ARHGAP42: variants seen among roughly 807,000 people sequenced by gnomAD.
ARHGAP42 encodes the protein Rho GTPase activating protein 42, also known as rho GTPase-activating protein 42.
A neutral mutation model predicts 125.0 loss-of-function variants in ARHGAP42; 63 were observed. The ratio of observed to expected loss-of-function variants is 0.50; its 90% CI spans 0.41 to 0.62. The LOEUF is 0.62. ARHGAP42 is among the 20% of genes least tolerant of loss of function. The pLI, the probability that ARHGAP42 is intolerant of heterozygous loss-of-function variation, is 0.00. For missense variants in ARHGAP42, 766 were observed against 1,024.2 expected (o/e 0.75, Z 3.44); for synonymous variants, 339 against 351.0 (o/e 0.97, Z 0.38).
intron 1 of ARHGAP42, among the ~76,000 whole-genome samples, chr11:100,730,616 G>A (rs1181895978): frequency 6.6e-6 from 1 of 152,186 alleles, no homozygotes; most frequent in South Asian, 2.1e-4. Flanking sequence ...TACAAGCCAT[G>A]TCTAAGAAAT....
At chr11:100,842,959 A>C (rs1252409093) in intron 3 of ARHGAP42, among the ~76,000 whole-genome samples, 1 of 152,132 alleles carries the variant, frequency 6.6e-6, no homozygotes, top group Non-Finnish European at 1.5e-5. Context: ...GAAGAAAATA[A>C]CCAAGATCAG....
intron 5 of ARHGAP42, among the ~76,000 whole-genome samples, chr11:100,918,517 T>C (rs1867140423): frequency 6.6e-6 from 1 of 152,238 alleles, no homozygotes; most frequent in Admixed American, 6.5e-5. Flanking sequence ...TTTAAAATTA[T>C]CTCATTTCGA....
chr11:100,990,892 A>G lies in ARHGAP42; in HGVS notation c.*2091A>G, dbSNP rs1425547323. On this transcript the variant is annotated 3_prime_UTR_variant, in exon 24 of 24. Coordinates refer to ENST00000298815, the MANE Select transcript of ARHGAP42 (RefSeq NM_152432.4). ...TCCTACTTCTCCTGCTGCTGCATAA[A>G]GAATCTCAACCTTCATTTTATTTGA... 1 of 152,338 alleles carries G rather than the reference A, an allele frequency of 6.6e-6. No individual in the cohort carries two copies. Among genetic ancestry groups the G allele is most frequent in the African/African-American group, 2.4e-5 (1 of 41,472 alleles). 9.4% of individuals were successfully genotyped at this position (152,338 alleles called of 1,614,324 possible). A position where few individuals can be genotyped will look rare whatever the true frequency, so the allele number is the denominator to read the frequency against.
At chr11:100,817,301 C>A (rs1178875667) in intron 3 of ARHGAP42, among the ~76,000 whole-genome samples, 1 of 152,154 alleles carries the variant, frequency 6.6e-6, no homozygotes, top group Non-Finnish European at 1.5e-5. Flanking sequence ...CCAGATATCT[C>A]CATTTGAGAA....
At chr11:100,974,734 C>T in intron 19 of ARHGAP42, 131 bp downstream of exon 19, 1 of 981,168 alleles carries the variant, frequency 1.0e-6, no homozygotes, top group South Asian at 2.8e-5. Flanking sequence ...CCTCTTTTAT[C>T]ATTTGTATAT....
chr11:100,903,687 T>A (rs1866625922), intron 4 of ARHGAP42, among the ~76,000 whole-genome samples: 2 of 126,600 alleles, frequency 1.6e-5, no homozygotes. Context: ...GGACAGAATG[T>A]ATATATATAC....
In ARHGAP42 at chr11:100,907,036, T is replaced by A. The variant is rs147019395; in HGVS notation, c.385-6416T>A. 2.0e-5 allele frequency among the ~76,000 whole-genome samples: 3 copies of A among 152,342 alleles called. No homozygotes were observed. The East Asian group carries it at 5.8e-4, about 29-fold the overall frequency. ...CAGAAGTTGGTTCTTAGGACACACA[T>A]ATATGTCCCTTAGTAGTGCAATGTT... On this transcript the variant is annotated intron_variant, in intron 4 of 23. Coordinates refer to ENST00000298815, the MANE Select transcript of ARHGAP42 (RefSeq NM_152432.4).
chr11:100,887,108 G>A (rs1866109799), intron 4 of ARHGAP42, among the ~76,000 whole-genome samples: 1 of 152,106 alleles, frequency 6.6e-6, no homozygotes, highest in African/African-American at 2.4e-5. Flanking sequence ...TCTTTGAGAA[G>A]AAATAAAATA....
At chr11:100,727,345 C>T (rs1861879407) in intron 1 of ARHGAP42, among the ~76,000 whole-genome samples, 1 of 152,158 alleles carries the variant, frequency 6.6e-6, no homozygotes, top group Non-Finnish European at 1.5e-5. Flanking sequence ...GTGCTGGGTA[C>T]ATCTTCTGTT....
At chr11:100,931,622 A>T (rs1321471902) in intron 6 of ARHGAP42, among the ~76,000 whole-genome samples, 2 of 152,210 alleles carry the variant, frequency 1.3e-5, no homozygotes, top group Non-Finnish European at 2.9e-5. Flanking sequence ...TTAATTGTGG[A>T]TTAATTATAA....
intron 1 of ARHGAP42, among the ~76,000 whole-genome samples, chr11:100,733,239 G>C (rs910422945): frequency 1.3e-5 from 2 of 152,170 alleles, no homozygotes; most frequent in Admixed American, 1.3e-4. Context: ...ATGAAATAGG[G>C]ATAAAAAGAC....
chr11:100,921,623 T>C lies in ARHGAP42; in HGVS notation c.597+19T>C. 1 of 1,439,410 alleles carries C rather than the reference T, an allele frequency of 6.9e-7. No homozygotes were observed. Among genetic ancestry groups the C allele is most frequent in the Middle Eastern group, 1.7e-4 (1 of 5,746 alleles). The allele number at this position is 1,439,410 out of a possible 1,614,324, so 89.2% of individuals were successfully genotyped here. A position where few individuals can be genotyped will look rare whatever the true frequency, so the allele number is the denominator to read the frequency against. On this transcript the variant is annotated intron_variant, in intron 6 of 23. Transcript: ENST00000298815. Reference sequence around the variant, plus strand: ...TGAACCGGTAAGTTTCAGATTTTTGTATAAATGGTGGGCTCAAAACAATCT... The same window carrying C: ...TGAACCGGTAAGTTTCAGATTTTTGCATAAATGGTGGGCTCAAAACAATCT...
intron 1 of ARHGAP42, among the ~76,000 whole-genome samples, chr11:100,700,629 C>T (rs1404516027): frequency 2.0e-5 from 3 of 152,178 alleles, no homozygotes; most frequent in Non-Finnish European, 2.9e-5. Flanking sequence ...TTTCTTTGCT[C>T]ATCTGTAAGA....
chr11:100,929,453 T>C (rs1867516366), intron 6 of ARHGAP42, among the ~76,000 whole-genome samples: 1 of 152,202 alleles, frequency 6.6e-6, no homozygotes, highest in South Asian at 2.1e-4. Context: ...GAGGAATTAC[T>C]GAGTCATGTG....
chr11:100,987,085 CCTTT>C (rs1858697523), intron 22 of ARHGAP42, among the ~76,000 whole-genome samples: 3 of 152,072 alleles, frequency 2.0e-5, no homozygotes, highest in African/African-American at 7.2e-5. Flanking sequence ...ATTCTTTAAG[CCTTT>C]CAATTTTTGG....
intron 1 of ARHGAP42, among the ~76,000 whole-genome samples, chr11:100,759,294 C>T (rs1473358409): frequency 1.1e-4 from 16 of 152,108 alleles, no homozygotes; most frequent in Admixed American, 1.0e-3. Flanking sequence ...TTTGCTGGGG[C>T]TCTGGTTTTC....
At chr11:100,805,579 G>A (rs1863968951) in intron 3 of ARHGAP42, among the ~76,000 whole-genome samples, 1 of 152,084 alleles carries the variant, frequency 6.6e-6, no homozygotes, top group South Asian at 2.1e-4. Context: ...ACAAAAGAAT[G>A]GCTACTTCAT....
At chr11:100,806,008 AG>A (rs1035112172) in intron 3 of ARHGAP42, among the ~76,000 whole-genome samples, 1 of 152,318 alleles carries the variant, frequency 6.6e-6, no homozygotes, top group African/African-American at 2.4e-5. Flanking sequence ...CTGGGAAAGT[AG>A]CCCAGTTAAG....
intron 16 of ARHGAP42, 91 bp downstream of exon 16, chr11:100,962,558 AT>A: frequency 5.9e-6 from 7 of 1,183,848 alleles, no homozygotes; most frequent in East Asian, 2.8e-5. Flanking sequence ...GCTAGTGAAG[AT>A]TTTTTTCAAG....
Sources: gnomAD v4.1 joint callset for allele counts (sites outside exome capture counted in the v4.1 genomes callset) on GRCh38, gnomAD v4.1.1 for gene constraint, MANE v1.5 for transcripts, NCBI Gene and HGNC (gene_info 2026-07-23, HGNC 2026-07-21) for gene names.